NINL: variants seen among roughly 807,000 people sequenced by gnomAD.
NINL encodes ninein-like protein.
NINL carries 153 observed loss-of-function variants against 160.3 expected under a neutral mutation model. That is an observed-to-expected ratio of 0.95 (90% CI 0.84 to 1.09). The LOEUF (loss-of-function observed/expected upper bound fraction) is 1.09, where lower values mean the gene tolerates loss of function less well. Among genes scored for constraint, NINL ranks in the 50% least tolerant of loss-of-function variants. The pLI is 0.00. For missense variants in NINL, 1,829 were observed against 1,764.0 expected, an observed-to-expected ratio of 1.04 and a Z score of -0.66; for synonymous variants, 800 against 734.8, an observed-to-expected ratio of 1.09 and a Z score of -1.43.
intron 1 of NINL, among the ~76,000 whole-genome samples, chr20:25,570,265 T>C (rs1396290337): frequency 1.3e-5 from 2 of 152,178 alleles, no homozygotes; most frequent in Non-Finnish European, 2.9e-5. Context: ...CCAAACCTCA[T>C]GTTCAACTAT....
intron 1 of NINL, among the ~76,000 whole-genome samples, chr20:25,535,483 T>C (rs1364490809): frequency 6.6e-6 from 1 of 152,182 alleles, no homozygotes; most frequent in East Asian, 1.9e-4. Flanking sequence ...TTATAATGTA[T>C]ACATGAATCA....
At chr20:25,497,787 G>A (rs910184605) in intron 9 of NINL, among the ~76,000 whole-genome samples, 2 of 152,310 alleles carry the variant, frequency 1.3e-5, no homozygotes, top group South Asian at 2.1e-4. Flanking sequence ...GCTGGCAAGC[G>A]CCTGCACCAG....
chr20:25,503,882 T>C, intron 7 of NINL, 70 bp downstream of exon 7: 12 of 1,576,996 alleles, frequency 7.6e-6, no homozygotes, highest in Non-Finnish European at 1.0e-5. Flanking sequence ...AGGGAGGGAG[T>C]CAGCAGTTTT....
At chr20:25,538,495 C>A (rs1236461451) in intron 1 of NINL, among the ~76,000 whole-genome samples, 4 of 152,212 alleles carry the variant, frequency 2.6e-5, no homozygotes, top group African/African-American at 9.6e-5. Flanking sequence ...TCCTTTGATG[C>A]CCTGGACCTG....
intron 1 of NINL, among the ~76,000 whole-genome samples, chr20:25,550,939 TCTTTC>T (rs954801109): frequency 9.2e-5 from 14 of 152,242 alleles, no homozygotes; most frequent in African/African-American, 3.1e-4. Flanking sequence ...GACGGTAAGG[TCTTTC>T]CTTTCCCACG....
At chr20:25,458,358 C>T in intron 22 of NINL, 25 bp downstream of exon 22, 1 of 1,603,882 alleles carries the variant, frequency 6.2e-7, no homozygotes, top group African/African-American at 1.3e-5. Context: ...TCTCGTCAGC[C>T]ATCTCTCGCT....
chr20:25,546,771 C>G (rs373015047), intron 1 of NINL, among the ~76,000 whole-genome samples: 13 of 152,020 alleles, frequency 8.6e-5, no homozygotes, highest in African/African-American at 2.9e-4. Flanking sequence ...CAAACCCCAC[C>G]GAGAGAGAGG....
intron 1 of NINL, among the ~76,000 whole-genome samples, chr20:25,564,600 G>A (rs1310264651): frequency 1.3e-5 from 2 of 152,094 alleles, no homozygotes; most frequent in Middle Eastern, 3.4e-3. Flanking sequence ...TTACAAGCGT[G>A]AGCCACCGCG....
chr20:25,472,267 T>C (rs1445550964), intron 17 of NINL, among the ~76,000 whole-genome samples: 1 of 143,702 alleles, frequency 7.0e-6, no homozygotes, highest in Non-Finnish European at 1.5e-5. Context: ...GGTTGAGACA[T>C]AAAGTGAAAT....
intron 13 of NINL, 108 bp downstream of exon 13, chr20:25,489,136 G>A: frequency 1.8e-6 from 2 of 1,089,144 alleles, no homozygotes; most frequent in Non-Finnish European, 2.8e-6. Flanking sequence ...ATGGCCGCAA[G>A]CAGAGGCTCT....
Position 25,500,878 on chromosome 20 carries a change from T to C in NINL, c.994A>G (p.Thr332Ala), listed in dbSNP as rs1365725325. ...CTGCCATTCTGAATCCCCTCCTGGG[T>C]CCACATGGCCAGGACCTGATCAGGA... ...AFPDQVLAMW[T>A]QEGIQNGREI... Residue 332 changes from threonine (T) to alanine (A), a missense_variant, in exon 8 of 24, where the codon ACC (threonine) becomes GCC (alanine). Physicochemically the swap from Thr to Ala is moderately conservative, Grantham distance 58. Coordinates refer to ENST00000278886, the MANE Select transcript of NINL (RefSeq NM_025176.6). The C allele has an allele frequency of 6.2e-6, 10 of 1,613,916 alleles. No individual in the cohort carries two copies. The highest frequency in any genetic ancestry group is 5.3e-5 in the African/African-American group (4 of 74,876).
At chr20:25,578,761 C>G (rs2065143066) in intron 1 of NINL, among the ~76,000 whole-genome samples, 1 of 140,500 alleles carries the variant, frequency 7.1e-6, no homozygotes, top group Non-Finnish European at 1.5e-5. Flanking sequence ...CACTACCACT[C>G]TAGCCTGGGT....
At chr20:25,475,053 G>A (rs2063196986) in intron 17 of NINL, among the ~76,000 whole-genome samples, 1 of 151,966 alleles carries the variant, frequency 6.6e-6, no homozygotes, top group Non-Finnish European at 1.5e-5. Context: ...AAAGTGCTGA[G>A]ATTACAGGCA....
intron 8 of NINL, chr20:25,498,856 C>T: frequency 2.0e-6 from 2 of 976,716 alleles, no homozygotes; most frequent in Non-Finnish European, 2.4e-6. Context: ...GGGTGTTCCT[C>T]CCCACAGAAA....
At chr20:25,580,327 C>G (rs948548205) in intron 1 of NINL, among the ~76,000 whole-genome samples, 1 of 149,172 alleles carries the variant, frequency 6.7e-6, no homozygotes, top group African/African-American at 2.5e-5. Flanking sequence ...GAGTGAGACT[C>G]CACCTAAAAA....
chr20:25,475,062 C>T (rs2063197115), intron 17 of NINL, among the ~76,000 whole-genome samples: 1 of 151,992 alleles, frequency 6.6e-6, no homozygotes, highest in Non-Finnish European at 1.5e-5. Flanking sequence ...AGATTACAGG[C>T]ATGAACCACC....
At chr20:25,522,663 T>C (rs1358013550) in intron 2 of NINL, among the ~76,000 whole-genome samples, 1 of 152,230 alleles carries the variant, frequency 6.6e-6, no homozygotes, top group African/African-American at 2.4e-5. Flanking sequence ...TTCTTTTGTG[T>C]TGTTGGTAAT....
At chr20:25,496,194 C>T (rs905326705) in intron 10 of NINL, among the ~76,000 whole-genome samples, 1 of 152,200 alleles carries the variant, frequency 6.6e-6, no homozygotes, top group Admixed American at 6.5e-5. Flanking sequence ...TTTCTCTGGT[C>T]TATCCAGCCA....
At chr20:25,484,023 C>T (rs1008674083) in intron 13 of NINL, among the ~76,000 whole-genome samples, 8 of 152,144 alleles carry the variant, frequency 5.3e-5, no homozygotes, top group Admixed American at 1.3e-4. Context: ...CAGCTGCCGC[C>T]ACCATGCTGT....
Sources: gnomAD v4.1 joint callset for allele counts (sites outside exome capture counted in the v4.1 genomes callset) on GRCh38, gnomAD v4.1.1 for gene constraint, MANE v1.5 for transcripts, NCBI Gene and HGNC (gene_info 2026-07-23, HGNC 2026-07-21) for gene names.